LIMD1: variants seen among roughly 807,000 people sequenced by gnomAD.
The protein encoded by LIMD1 is LIM domain-containing protein 1.
Under a neutral mutation model 58.4 loss-of-function variants are expected in LIMD1, and 23 were observed. The observed-to-expected ratio is 0.39, with a 90% CI of 0.28 to 0.56. LIMD1 has a LOEUF of 0.56. Ranked by LOEUF, LIMD1 falls within the 20% of genes least tolerant of loss-of-function variation. The pLI, the probability that LIMD1 is intolerant of heterozygous loss-of-function variation, is 0.57. For synonymous variants in LIMD1, 334 were observed against 345.5 expected (o/e 0.97, Z 0.37); for missense variants, 838 against 855.5 (o/e 0.98, Z 0.25).
intron 1 of LIMD1, chr3:45,635,843 G>C: frequency 1.0e-6 from 1 of 976,474 alleles, no homozygotes; most frequent in Non-Finnish European, 1.2e-6. Flanking sequence ...CTTACAAACA[G>C]TGGGAACCTT....
intron 3 of LIMD1, among the ~76,000 whole-genome samples, chr3:45,666,344 C>T (rs1261291813): frequency 6.6e-6 from 1 of 152,208 alleles, no homozygotes; most frequent in Non-Finnish European, 1.5e-5. Context: ...TCCGTTCATA[C>T]CTCCGGCATG....
chr3:45,674,608 T>G (rs536485771), intron 7 of LIMD1, 197 bp downstream of exon 7: 5 of 545,518 alleles, frequency 9.2e-6, no homozygotes, highest in African/African-American at 7.5e-5. Flanking sequence ...ATAAAGGTCT[T>G]TCTTCTGCAT....
At chr3:45,636,061 ATGGT>A (rs1701784915) in intron 1 of LIMD1, 85 bp from the exon 2 acceptor site, 1 of 1,571,650 alleles carries the variant, frequency 6.4e-7, no homozygotes, top group Non-Finnish European at 8.6e-7. Flanking sequence ...ATGGGGAGGG[ATGGT>A]ATTATGCTTT....
chr3:45,678,644 C>G lies in LIMD1; in HGVS notation c.*1585C>G, dbSNP rs1442524431. ...CCGGGGACACAGGAGCCGGTGTGTG[C>G]ACTCTGCCTCCTCACCTTGCACCCA... On this transcript the variant is annotated 3_prime_UTR_variant, in exon 8 of 8. Transcript: ENST00000273317. 6.6e-6 allele frequency: 1 copy of G among 152,248 alleles called. No individual in the cohort carries two copies. The highest frequency in any genetic ancestry group is 1.5e-5 in the Non-Finnish European group (1 of 68,074). 9.4% of individuals were successfully genotyped at this position (152,248 alleles called of 1,614,324 possible).
At chr3:45,646,913 G>C (rs891336990) in intron 2 of LIMD1, among the ~76,000 whole-genome samples, 1 of 152,034 alleles carries the variant, frequency 6.6e-6, no homozygotes, top group East Asian at 1.9e-4. Flanking sequence ...TGATCCTCCC[G>C]CCTTGGCCTC....
chr3:45,603,382 A>G (rs936348270), intron 1 of LIMD1, among the ~76,000 whole-genome samples: 4 of 151,926 alleles, frequency 2.6e-5, no homozygotes, highest in Admixed American at 6.6e-5. Context: ...ACCCAAACCA[A>G]CTGCTGAAGT....
chr3:45,656,595 G>T (rs1702030125), intron 2 of LIMD1, among the ~76,000 whole-genome samples: 1 of 151,480 alleles, frequency 6.6e-6, no homozygotes, highest in African/African-American at 2.4e-5. Flanking sequence ...TCGGCTCACT[G>T]CAACCTCGGC....
At chr3:45,641,235 T>C (rs116188684) in intron 2 of LIMD1, among the ~76,000 whole-genome samples, 4,599 of 152,266 alleles carry the variant, frequency 0.03, 76 homozygotes, top group Non-Finnish European at 0.041. Context: ...GGAGCTGGCA[T>C]GGAATCCAGA....
At chr3:45,620,612 A>T (rs1034124450) in intron 1 of LIMD1, among the ~76,000 whole-genome samples, 13 of 152,056 alleles carry the variant, frequency 8.5e-5, no homozygotes, top group African/African-American at 2.9e-4. Context: ...ACATGATGAA[A>T]CCCTGTCTCT....
At chr3:45,676,881 G>A (rs1168004670) in intron 7 of LIMD1, 41 bp from the exon 8 acceptor site, 4 of 1,610,048 alleles carry the variant, frequency 2.5e-6, no homozygotes, top group Non-Finnish European at 3.4e-6. Context: ...CTTGCAGTCT[G>A]TTTTGTTTTG....
At chr3:45,603,827 A>C (rs1701441808) in intron 1 of LIMD1, among the ~76,000 whole-genome samples, 1 of 152,116 alleles carries the variant, frequency 6.6e-6, no homozygotes, top group Admixed American at 6.5e-5. Flanking sequence ...TGGACCAGGC[A>C]ATCTTCCTAA....
intron 1 of LIMD1, among the ~76,000 whole-genome samples, chr3:45,628,354 G>T (rs1025028996): frequency 6.6e-6 from 1 of 152,170 alleles, no homozygotes; most frequent in African/African-American, 2.4e-5. Context: ...AGATTTGGGC[G>T]TCTCACTAAA....
intron 1 of LIMD1, among the ~76,000 whole-genome samples, chr3:45,624,544 A>G (rs1701652534): frequency 6.6e-6 from 1 of 152,088 alleles, no homozygotes; most frequent in Non-Finnish European, 1.5e-5. Context: ...ATCTCTACTG[A>G]AAATACAAAA....
chr3:45,643,910 G>A (rs1701874459), intron 2 of LIMD1, among the ~76,000 whole-genome samples: 1 of 151,208 alleles, frequency 6.6e-6, no homozygotes, highest in Non-Finnish European at 1.5e-5. Context: ...CTCGGTGTAA[G>A]ATGCACTGTG....
chr3:45,596,263 G>C lies in LIMD1; in HGVS notation c.1384G>C (p.Ala462Pro), dbSNP rs147641879. The change falls in exon 1 of 8, where the codon GCT becomes CCT. Residue 462 changes from alanine (A) to proline (P), a missense_variant. Ala to Pro is a conservative substitution (Grantham distance 27). Coordinates refer to ENST00000273317, the MANE Select transcript of LIMD1 (RefSeq NM_014240.3). ...CCAACGTCTGGAGCGAGAGATGGAT[G>C]CTCACCCGAAGGCTGATTACTTTGG... ...LTQRLEREMDAHPKADYFGAC... is the reference protein window; with the variant it reads ...LTQRLEREMDPHPKADYFGAC... 3.4e-5 allele frequency: 55 copies of C among 1,607,734 alleles called. No individual in the cohort carries two copies. The highest frequency in any genetic ancestry group is 4.3e-5 in the Non-Finnish European group (51 of 1,177,536).
At position 45,685,799 on chromosome 3, in the gene LIMD1, C is replaced by T. The variant is rs554159964; in HGVS notation, c.*8740C>T. Reference sequence around the variant, plus strand: ...TCATCTGTAAAAATGGGGATAACAACTGAATTTACCTCATGGGATTGTGTA... The same window carrying T: ...TCATCTGTAAAAATGGGGATAACAATTGAATTTACCTCATGGGATTGTGTA... On this transcript the variant is annotated 3_prime_UTR_variant, in exon 8 of 8. Coordinates refer to ENST00000273317, the MANE Select transcript of LIMD1 (RefSeq NM_014240.3). The T allele has an allele frequency of 6.6e-6, 1 of 152,308 alleles. No homozygotes were observed. The highest frequency in any genetic ancestry group is 2.1e-4 in the South Asian group (1 of 4,832). The allele number at this position is 152,308 out of a possible 1,614,324, so 9.4% of individuals were successfully genotyped here.
At chr3:45,663,505 T>G (rs1697470758) in intron 2 of LIMD1, among the ~76,000 whole-genome samples, 1 of 152,200 alleles carries the variant, frequency 6.6e-6, no homozygotes, top group Non-Finnish European at 1.5e-5. Flanking sequence ...AGATAGAATC[T>G]CATTGTGGTT....
chr3:45,638,417 T>C (rs976570918), intron 2 of LIMD1, among the ~76,000 whole-genome samples: 7 of 152,244 alleles, frequency 4.6e-5, no homozygotes, highest in African/African-American at 1.7e-4. Context: ...TAGTACCCAG[T>C]AGAAAGTTTT....
intron 2 of LIMD1, among the ~76,000 whole-genome samples, chr3:45,650,247 T>C (rs186926260): frequency 6.6e-6 from 1 of 152,344 alleles, no homozygotes; most frequent in Non-Finnish European, 1.5e-5. Flanking sequence ...TCACTAATGT[T>C]TTCTCTTGCA....
Sources: gnomAD v4.1 joint callset for allele counts (sites outside exome capture counted in the v4.1 genomes callset) on GRCh38, gnomAD v4.1.1 for gene constraint, MANE v1.5 for transcripts, NCBI Gene and HGNC (gene_info 2026-07-23, HGNC 2026-07-21) for gene names.